The following KCTD8 variants were observed in gnomAD, a reference collection of about 807,000 sequenced individuals.
KCTD8 encodes potassium channel tetramerization domain containing 8.
A neutral mutation model predicts 31.5 loss-of-function variants in KCTD8; 27 were observed. The ratio of observed to expected loss-of-function variants is 0.86; its 90% confidence interval spans 0.63 to 1.18. The LOEUF is 1.18. KCTD8 is among the 50% of genes most tolerant of loss of function. The probability of loss-of-function intolerance (pLI) is 0.00; values close to 1 mark genes in which losing one functional copy is unlikely to be tolerated. For synonymous variants in KCTD8, 290 were observed against 280.0 expected (o/e 1.04, Z -0.36); for missense variants, 658 against 647.7 (o/e 1.02, Z -0.17).
Position 44,243,864 on chromosome 4 carries a change from T to C in KCTD8, c.962-68614A>G, listed in dbSNP as rs149374043. ...ACTTTGCTTCATCCTTCTAAATATC[T>C]TCCCATAGGTTATTCTCATTATGCA... On this transcript the variant is annotated intron_variant, in intron 1 of 1. Transcript: ENST00000360029. Among the ~76,000 whole-genome samples the C allele has an allele frequency of 3.9e-5, 6 of 152,328 alleles. No homozygotes were observed. In the East Asian group the frequency reaches 1.2e-3, roughly 29 times the overall value.
chr4:44,212,470 A>G (rs1714519651), intron 1 of KCTD8, among the ~76,000 whole-genome samples: 1 of 151,966 alleles, frequency 6.6e-6, no homozygotes, highest in African/African-American at 2.4e-5. Flanking sequence ...GTCCTATGGA[A>G]CTCACATAAA....
intron 1 of KCTD8, among the ~76,000 whole-genome samples, chr4:44,380,455 C>A (rs1720033775): frequency 6.6e-6 from 1 of 150,758 alleles, no homozygotes; most frequent in African/African-American, 2.4e-5. Flanking sequence ...AAGGTTAAGC[C>A]CAAAGTAGGT....
intron 1 of KCTD8, chr4:44,293,917 AT>A (rs1717355306): frequency 2.6e-6 from 1 of 378,522 alleles, no homozygotes. Flanking sequence ...TCCATTTATC[AT>A]TTGTTTAACA....
intron 1 of KCTD8, among the ~76,000 whole-genome samples, chr4:44,424,239 A>C (rs936207030): frequency 6.6e-6 from 1 of 152,000 alleles, no homozygotes; most frequent in African/African-American, 2.4e-5. Context: ...GTCTCTCACC[A>C]CCATCCCCCA....
intron 1 of KCTD8, among the ~76,000 whole-genome samples, chr4:44,284,215 C>T (rs988019775): frequency 2.0e-5 from 3 of 152,044 alleles, no homozygotes; most frequent in Admixed American, 6.5e-5. Flanking sequence ...CATCATGTTA[C>T]CTGACTTCAA....
rs143317490 is a variant in KCTD8 at position 44,313,533 on chromosome 4, C to T, written c.961+134030G>A. Among the ~76,000 whole-genome samples, 523 of 152,286 alleles carry T rather than the reference C, an allele frequency of 3.4e-3. 5 individuals are homozygous for T. The highest frequency in any genetic ancestry group is 0.012 in the African/African-American group (496 of 41,546). The stretch of plus-strand genomic sequence containing the variant: ...TCAATGAAAATAAGTTTTCTCCTAC[C>T]TGTTAATGATTAGCAATGAGTAGAT... On this transcript the variant is annotated intron_variant, in intron 1 of 1. Coordinates refer to ENST00000360029, the MANE Select transcript of KCTD8 (RefSeq NM_198353.3).
chr4:44,422,497 A>G (rs1421326963), intron 1 of KCTD8, among the ~76,000 whole-genome samples: 1 of 152,124 alleles, frequency 6.6e-6, no homozygotes, highest in African/African-American at 2.4e-5. Flanking sequence ...TTAAAAGGGA[A>G]AATGTATTAC....
intron 1 of KCTD8, among the ~76,000 whole-genome samples, chr4:44,253,918 T>C (rs1354830570): frequency 6.6e-6 from 1 of 151,866 alleles, no homozygotes; most frequent in Non-Finnish European, 1.5e-5. Flanking sequence ...TGTGTACTGA[T>C]AGTGAGCAGA....
intron 1 of KCTD8, among the ~76,000 whole-genome samples, chr4:44,355,022 C>G (rs1249895909): frequency 1.3e-5 from 2 of 152,104 alleles, no homozygotes; most frequent in Non-Finnish European, 2.9e-5. Context: ...CTTTAGCTGT[C>G]TCAACACATT....
chr4:44,301,174 CAT>C (rs1717607646), intron 1 of KCTD8, among the ~76,000 whole-genome samples: 1 of 152,172 alleles, frequency 6.6e-6, no homozygotes, highest in African/African-American at 2.4e-5. Flanking sequence ...CCGCAATAAA[CAT>C]ATGTGTGCAT....
intron 1 of KCTD8, among the ~76,000 whole-genome samples, chr4:44,287,966 G>T (rs998775235): frequency 2.0e-5 from 3 of 152,036 alleles, no homozygotes; most frequent in Non-Finnish European, 2.9e-5. Context: ...TATATGCAAG[G>T]TCAGGAAAAA....
intron 1 of KCTD8, among the ~76,000 whole-genome samples, chr4:44,355,733 G>T (rs996803769): frequency 6.6e-6 from 1 of 151,952 alleles, no homozygotes; most frequent in Non-Finnish European, 1.5e-5. Context: ...AAAATTATTT[G>T]GTCTCTATAT....
intron 1 of KCTD8, among the ~76,000 whole-genome samples, chr4:44,376,467 T>C (rs757722238): frequency 6.6e-6 from 1 of 152,194 alleles, no homozygotes; most frequent in Non-Finnish European, 1.5e-5. Flanking sequence ...ACTTTGAACC[T>C]GAGGGAACTT....
intron 1 of KCTD8, among the ~76,000 whole-genome samples, chr4:44,413,964 G>A (rs907726549): frequency 3.9e-5 from 6 of 152,090 alleles, no homozygotes; most frequent in African/African-American, 1.4e-4. Flanking sequence ...AGGAGACAAG[G>A]AATGTGGACA....
At position 44,416,747 on chromosome 4, in the gene KCTD8, T is replaced by C. The variant is rs75998194; in HGVS notation, c.961+30816A>G. Among the ~76,000 whole-genome samples, 866 of 152,298 alleles carry C rather than the reference T, an allele frequency of 5.7e-3. 5 individuals are homozygous for C. The highest frequency in any genetic ancestry group is 0.019 in the South Asian group (91 of 4,826). On this transcript the variant is annotated intron_variant, in intron 1 of 1. Coordinates refer to ENST00000360029, the MANE Select transcript of KCTD8 (RefSeq NM_198353.3). The stretch of plus-strand genomic sequence containing the variant: ...CCTCACCAGGAACAGATGCCAGTGT[T>C]ATGTTTCCTGTATAGCCTGCAGAAC...
chr4:44,371,726 C>A (rs1719791390), intron 1 of KCTD8, among the ~76,000 whole-genome samples: 1 of 152,078 alleles, frequency 6.6e-6, no homozygotes, highest in Non-Finnish European at 1.5e-5. Context: ...GAGTTACAAC[C>A]CTGCTGCACA....
chr4:44,229,124 T>A (rs914475696), intron 1 of KCTD8, among the ~76,000 whole-genome samples: 1 of 152,120 alleles, frequency 6.6e-6, no homozygotes, highest in African/African-American at 2.4e-5. Context: ...ATTATCATGA[T>A]TGAAGAAGGT....
At chr4:44,268,097 G>T (rs1205770723) in intron 1 of KCTD8, among the ~76,000 whole-genome samples, 2 of 152,110 alleles carry the variant, frequency 1.3e-5, no homozygotes, top group African/African-American at 4.8e-5. Context: ...CCAAAAAAGA[G>T]AATTTCAGAC....
intron 1 of KCTD8, among the ~76,000 whole-genome samples, chr4:44,315,264 C>T (rs1017544636): frequency 6.6e-6 from 1 of 151,920 alleles, no homozygotes; most frequent in African/African-American, 2.4e-5. Context: ...GCTCCTTAAG[C>T]TCTATCTTTT....
Sources: gnomAD v4.1 joint callset for allele counts (sites outside exome capture counted in the v4.1 genomes callset) on GRCh38, gnomAD v4.1.1 for gene constraint, MANE v1.5 for transcripts, NCBI Gene and HGNC (gene_info 2026-07-23, HGNC 2026-07-21) for gene names.